Variants in ASTN1 observed in about 807,000 individuals in gnomAD.
ASTN1 encodes astrotactin 1.
ASTN1 carries 41 observed loss-of-function variants against 140.7 expected under a neutral mutation model. The observed-to-expected ratio is 0.29, with a 90% CI of 0.23 to 0.38. The LOEUF (loss-of-function observed/expected upper bound fraction) is 0.38, where lower values mean the gene tolerates loss of function less well. Among genes scored for constraint, ASTN1 ranks in the 10% least tolerant of loss-of-function variants. The probability of loss-of-function intolerance (pLI) is 1.00; values close to 1 mark genes in which losing one functional copy is unlikely to be tolerated. For missense variants in ASTN1, 1,479 were observed against 1,678.8 expected, an observed-to-expected ratio of 0.88 and a Z score of 2.08; for synonymous variants, 640 against 652.2, an observed-to-expected ratio of 0.98 and a Z score of 0.29.
At chr1:176,905,815 C>A (rs1669964991) in intron 16 of ASTN1, among the ~76,000 whole-genome samples, 1 of 152,292 alleles carries the variant, frequency 6.6e-6, no homozygotes, top group Admixed American at 6.5e-5. Context: ...CCTCTCCCAG[C>A]CTTAATGAAG....
intron 8 of ASTN1, among the ~76,000 whole-genome samples, chr1:176,966,627 CTT>C (rs1672900271): frequency 6.6e-6 from 1 of 152,146 alleles, no homozygotes; most frequent in African/African-American, 2.4e-5. Flanking sequence ...TGTATAATCA[CTT>C]TGAATCACCA....
At chr1:177,104,703 A>G (rs1347352390) in intron 1 of ASTN1, among the ~76,000 whole-genome samples, 1 of 152,214 alleles carries the variant, frequency 6.6e-6, no homozygotes, top group Non-Finnish European at 1.5e-5. Context: ...CAACTGCACT[A>G]TGTGCAGAGA....
At position 176,941,324 on chromosome 1, in the gene ASTN1, T is replaced by C. The variant is rs544599089; in HGVS notation, c.2377+2567A>G. ...AGGAAATATGTGACCTTGGCTTAAC[T>C]GGTACCACTTCTTAACAAAAATAGG... On this transcript the variant is annotated intron_variant, in intron 14 of 22. Coordinates refer to ENST00000361833, the MANE Select transcript of ASTN1 (RefSeq NM_004319.3). Among the ~76,000 whole-genome samples the C allele has an allele frequency of 1.1e-4, 17 of 152,310 alleles. No homozygotes were observed. The South Asian group carries it at 3.5e-3, about 32-fold the overall frequency.
At chr1:177,016,473 C>T (rs1050399779) in intron 7 of ASTN1, among the ~76,000 whole-genome samples, 2 of 152,002 alleles carry the variant, frequency 1.3e-5, no homozygotes, top group East Asian at 1.9e-4. Flanking sequence ...GAGCTCTGAG[C>T]CAAAAATAGA....
At position 177,032,625 on chromosome 1, in the gene ASTN1, G is replaced by C. The variant is rs191901183; in HGVS notation, c.696C>G (p.Ser232Arg). 100 of 1,614,200 alleles carry C rather than the reference G, an allele frequency of 6.2e-5. No individual in the cohort carries two copies. Among genetic ancestry groups the C allele is most frequent in the Non-Finnish European group, 8.1e-5 (96 of 1,180,044 alleles). The change falls in exon 3 of 23, where the codon AGC (serine) becomes AGG (arginine). Residue 232 changes from serine (S) to arginine (R), a missense_variant. Physicochemically the swap from Ser to Arg is moderately radical, Grantham distance 110. Around this residue, in one of 3 missense-constraint regions of ASTN1, gnomAD observed 729 missense variants for 860.4 expected, o/e 0.85. Transcript: ENST00000361833. ...CGTCCAGGATAGGTGTCTCCCGGAT[G>C]CTCAGGGTGCCACTGGAGTTGTGGC... is the stretch of plus-strand genomic sequence containing the variant. Reference protein sequence around the residue: ...VQGHNSSGTLSIRETPILDGY... With the variant: ...VQGHNSSGTLRIRETPILDGY...
chr1:177,161,844 A>G (rs1419001678), intron 1 of ASTN1, among the ~76,000 whole-genome samples: 3 of 152,136 alleles, frequency 2.0e-5, no homozygotes, highest in African/African-American at 7.2e-5. Context: ...CTTGTCATGC[A>G]AGCAAATCCT....
At chr1:177,162,573 A>G (rs1373495167) in intron 1 of ASTN1, among the ~76,000 whole-genome samples, 1 of 152,200 alleles carries the variant, frequency 6.6e-6, no homozygotes, top group Non-Finnish European at 1.5e-5. Context: ...TCACAGCATT[A>G]GGCCCTGGTT....
chr1:177,110,816 C>A (rs1680792178), intron 1 of ASTN1, among the ~76,000 whole-genome samples: 1 of 152,114 alleles, frequency 6.6e-6, no homozygotes, highest in East Asian at 1.9e-4. Context: ...CACCAAGGTC[C>A]ACTGTAGAAA....
chr1:177,028,693 G>A (rs947348787), intron 5 of ASTN1, among the ~76,000 whole-genome samples: 2 of 152,208 alleles, frequency 1.3e-5, no homozygotes, highest in Admixed American at 6.5e-5. Context: ...GTATAAATAT[G>A]GGGCTGCATG....
At chr1:177,028,751 A>C (rs1211022679) in intron 5 of ASTN1, among the ~76,000 whole-genome samples, 1 of 152,198 alleles carries the variant, frequency 6.6e-6, no homozygotes, top group African/African-American at 2.4e-5. Flanking sequence ...TGCTTTAGCA[A>C]TCTCCAAAAA....
intron 21 of ASTN1, 42 bp downstream of exon 21, chr1:176,876,495 G>A: frequency 6.3e-7 from 1 of 1,599,998 alleles, no homozygotes; most frequent in South Asian, 1.1e-5. Flanking sequence ...TGGGTACCTG[G>A]GGCATCCCTT....
chr1:176,931,296 G>T (rs140592700), intron 16 of ASTN1, among the ~76,000 whole-genome samples: 1 of 151,980 alleles, frequency 6.6e-6, no homozygotes, highest in African/African-American at 2.4e-5. Flanking sequence ...GAGAAACCCC[G>T]TCTCTACTTA....
intron 1 of ASTN1, among the ~76,000 whole-genome samples, chr1:177,157,847 T>G (rs1401831467): frequency 6.6e-6 from 1 of 152,176 alleles, no homozygotes; most frequent in African/African-American, 2.4e-5. Context: ...TTTATATAAA[T>G]AAAATTGTAC....
intron 1 of ASTN1, among the ~76,000 whole-genome samples, chr1:177,091,228 T>A (rs1241344119): frequency 6.6e-6 from 1 of 152,228 alleles, no homozygotes; most frequent in African/African-American, 2.4e-5. Flanking sequence ...TAATTCCTCA[T>A]TGGAGTAACT....
chr1:177,117,992 T>C (rs1424264619), intron 1 of ASTN1, among the ~76,000 whole-genome samples: 1 of 152,234 alleles, frequency 6.6e-6, no homozygotes, highest in Non-Finnish European at 1.5e-5. Context: ...GTAAAAGGCA[T>C]AGTGCTAGAT....
At chr1:177,138,152 A>G (rs1293624541) in intron 1 of ASTN1, among the ~76,000 whole-genome samples, 3 of 152,176 alleles carry the variant, frequency 2.0e-5, no homozygotes, top group African/African-American at 7.2e-5. Flanking sequence ...AGAAAGAAAG[A>G]TGCCACTTTT....
At chr1:177,144,477 C>G (rs916956486) in intron 1 of ASTN1, among the ~76,000 whole-genome samples, 1 of 150,818 alleles carries the variant, frequency 6.6e-6, no homozygotes, top group Non-Finnish European at 1.5e-5. Context: ...TGGTCTTGAT[C>G]TCCTGACCTC....
At chr1:177,128,381 C>A (rs1261449674) in intron 1 of ASTN1, among the ~76,000 whole-genome samples, 1 of 152,128 alleles carries the variant, frequency 6.6e-6, no homozygotes, top group African/African-American at 2.4e-5. Flanking sequence ...TTAATTGAAT[C>A]AAAATTCTAA....
chr1:176,962,921 A>C (rs1571574025), intron 9 of ASTN1, among the ~76,000 whole-genome samples: 1 of 152,210 alleles, frequency 6.6e-6, no homozygotes, highest in African/African-American at 2.4e-5. Context: ...AGCATCTGAA[A>C]CAGTACCTTG....
Sources: allele counts gnomAD v4.1 joint callset (sites outside exome capture counted in the v4.1 genomes callset), GRCh38; gene constraint gnomAD v4.1.1; regional missense constraint gnomAD v4.1.1; transcripts MANE v1.5; gene names NCBI Gene and HGNC (gene_info 2026-07-23, HGNC 2026-07-21).